The following MDGA2 variants were observed in gnomAD, a reference collection of about 807,000 sequenced individuals.
MDGA2 encodes MAM domain-containing glycosylphosphatidylinositol anchor protein 2.
Under a neutral mutation model 117.8 loss-of-function variants are expected in MDGA2, and 40 were observed. The ratio of observed to expected loss-of-function variants is 0.34; its 90% confidence interval spans 0.26 to 0.44. The LOEUF is 0.44. Ranked by LOEUF, MDGA2 falls within the 20% of genes least tolerant of loss-of-function variation. The pLI, the probability that MDGA2 is intolerant of heterozygous loss-of-function variation, is 1.00. For synonymous variants in MDGA2, 452 were observed against 439.0 expected (o/e 1.03, Z -0.37); for missense variants, 1,123 against 1,250.6 (o/e 0.90, Z 1.54).
chr14:47,345,424 C>A (rs1290893825), intron 1 of MDGA2, among the ~76,000 whole-genome samples: 1 of 151,986 alleles, frequency 6.6e-6, no homozygotes, highest in East Asian at 1.9e-4. Context: ...AAATATCTCC[C>A]CAAACAAGTT....
At chr14:47,588,820 T>C (rs1896381626) in intron 1 of MDGA2, among the ~76,000 whole-genome samples, 1 of 151,938 alleles carries the variant, frequency 6.6e-6, no homozygotes. Flanking sequence ...TACAGAATTA[T>C]CATATTACAG....
intron 2 of MDGA2, among the ~76,000 whole-genome samples, chr14:47,222,535 T>C (rs1329837547): frequency 6.6e-6 from 1 of 152,078 alleles, no homozygotes; most frequent in Admixed American, 6.5e-5. Context: ...AGGCAGTTCT[T>C]GATAGTGCAA....
chr14:47,219,803 G>T (rs568891153), intron 2 of MDGA2, among the ~76,000 whole-genome samples: 2 of 152,120 alleles, frequency 1.3e-5, no homozygotes, highest in South Asian at 4.1e-4. Context: ...GAATAGTCTC[G>T]TCTGTGTAAA....
intron 1 of MDGA2, among the ~76,000 whole-genome samples, chr14:47,373,766 G>C (rs1278447461): frequency 1.3e-5 from 2 of 152,062 alleles, no homozygotes; most frequent in African/African-American, 4.8e-5. Context: ...GCACAACTTT[G>C]TGAATCTACT....
At chr14:47,557,216 C>T (rs1164499710) in intron 1 of MDGA2, among the ~76,000 whole-genome samples, 1 of 151,960 alleles carries the variant, frequency 6.6e-6, no homozygotes, top group Non-Finnish European at 1.5e-5. Flanking sequence ...CTAATTTAAC[C>T]AAGGAAGAAA....
chr14:47,307,151 C>T (rs927830209), intron 1 of MDGA2, among the ~76,000 whole-genome samples: 4 of 152,138 alleles, frequency 2.6e-5, no homozygotes, highest in Admixed American at 1.3e-4. Flanking sequence ...CAATGTAGCA[C>T]GTGTATAGTA....
chr14:47,057,292 C>G (rs1283630847), intron 7 of MDGA2, among the ~76,000 whole-genome samples: 1 of 152,062 alleles, frequency 6.6e-6, no homozygotes, highest in Non-Finnish European at 1.5e-5. Flanking sequence ...GAAGTCCGAT[C>G]AAGCTTTAAG....
chr14:47,444,983 G>C (rs1893092018), intron 1 of MDGA2, among the ~76,000 whole-genome samples: 4 of 152,180 alleles, frequency 2.6e-5, no homozygotes, highest in Admixed American at 1.3e-4. Context: ...ATGCATTTGA[G>C]AAAATTAATA....
At chr14:47,166,943 T>C (rs2139301569) in intron 3 of MDGA2, among the ~76,000 whole-genome samples, 1 of 152,234 alleles carries the variant, frequency 6.6e-6, no homozygotes, top group East Asian at 1.9e-4. Flanking sequence ...GCTAGAATAA[T>C]CAGACAATAC....
intron 5 of MDGA2, among the ~76,000 whole-genome samples, chr14:47,130,846 T>G (rs1882167310): frequency 6.6e-6 from 1 of 152,044 alleles, no homozygotes; most frequent in South Asian, 2.1e-4. Context: ...TTTTGTTTAA[T>G]GGGAAAAGGG....
chr14:46,848,907 TTA>T (rs1272648585), intron 15 of MDGA2, among the ~76,000 whole-genome samples: 3 of 152,024 alleles, frequency 2.0e-5, no homozygotes, highest in Non-Finnish European at 2.9e-5. Flanking sequence ...GAACATTACC[TTA>T]TATGAATATT....
At chr14:47,279,240 G>T (rs1172195049) in intron 2 of MDGA2, among the ~76,000 whole-genome samples, 1 of 152,050 alleles carries the variant, frequency 6.6e-6, no homozygotes, top group African/African-American at 2.4e-5. Flanking sequence ...TACTGATAGA[G>T]TATATTATCA....
At chr14:47,378,158 G>T (rs191524075) in intron 1 of MDGA2, among the ~76,000 whole-genome samples, 187 of 152,308 alleles carry the variant, frequency 1.2e-3, no homozygotes, top group African/African-American at 4.4e-3. Context: ...CTGACTGTTA[G>T]AAGGAAAACT....
rs1895797132 is a variant in MDGA2, at chr14:47,561,153, G to GGTTTTTTTTTTTTTTTTTTTTTTTTT, written c.280+113363_280+113364insAAAAAAAAAAAAAAAAAAAAAAAAAC. 2.3e-4 allele frequency among the ~76,000 whole-genome samples: 15 copies of GGTTTTTTTTTTTTTTTTTTTTTTTTT among 63,910 alleles called. 2 individuals carry two copies. In the East Asian group the frequency reaches 4.3e-3, roughly 18 times the overall value. The allele number at this position is 63,910 out of a possible 152,430, so 41.9% of individuals were successfully genotyped here. ...TACCTCTATCTTTGTTTTTTTTTTT[G>GGTTTTTTTTTTTTTTTTTTTTTTTTT]TTTTGTTTTGTTTTTTTGTTTGTTT... On this transcript the variant is annotated intron_variant, in intron 1 of 16. Transcript: ENST00000399232.
intron 2 of MDGA2, among the ~76,000 whole-genome samples, chr14:47,292,248 G>A (rs1888916413): frequency 6.6e-6 from 1 of 152,180 alleles, no homozygotes; most frequent in African/African-American, 2.4e-5. Flanking sequence ...CTGAGAAGCA[G>A]TGTTACTGAT....
intron 8 of MDGA2, among the ~76,000 whole-genome samples, chr14:46,995,690 T>G (rs1318933858): frequency 1.3e-5 from 2 of 151,926 alleles, no homozygotes; most frequent in Admixed American, 6.6e-5. Flanking sequence ...CAATATACTT[T>G]TATAAATATG....
At chr14:47,629,708 G>A (rs1897218338) in intron 1 of MDGA2, among the ~76,000 whole-genome samples, 1 of 152,118 alleles carries the variant, frequency 6.6e-6, no homozygotes, top group South Asian at 2.1e-4. Context: ...CATTAGTTAT[G>A]CATATTTTAT....
In MDGA2 at chr14:47,529,791, T is replaced by C. The variant is rs192060949; in HGVS notation, c.280+144726A>G. ...ATGTTTGGCTAAATGCCGTTATGCA[T>C]GTCACAGTTAGAAACTTTCCTGAAG... On this transcript the variant is annotated intron_variant, in intron 1 of 16. Transcript: ENST00000399232. 2.6e-3 allele frequency among the ~76,000 whole-genome samples: 398 copies of C among 152,350 alleles called. 3 individuals carry two copies. Among genetic ancestry groups the C allele is most frequent in the Non-Finnish European group, 4.0e-3 (275 of 68,036 alleles).
At chr14:47,226,945 G>A (rs1407867938) in intron 2 of MDGA2, among the ~76,000 whole-genome samples, 1 of 151,916 alleles carries the variant, frequency 6.6e-6, no homozygotes, top group Non-Finnish European at 1.5e-5. Context: ...CCTTCATTTA[G>A]TATCTAGTTA....
Sources: gnomAD v4.1 joint callset for allele counts (sites outside exome capture counted in the v4.1 genomes callset) on GRCh38, gnomAD v4.1.1 for gene constraint, MANE v1.5 for transcripts, NCBI Gene and HGNC (gene_info 2026-07-23, HGNC 2026-07-21) for gene names.